The following DYTN variants were observed in gnomAD, a reference collection of about 807,000 sequenced individuals.
DYTN encodes the protein dystrotelin.
DYTN carries 75 observed loss-of-function variants against 69.6 expected under a neutral mutation model. The ratio of observed to expected loss-of-function variants is 1.08; its 90% confidence interval spans 0.89 to 1.31. The LOEUF is 1.31. DYTN is among the 50% of genes most tolerant of loss of function. The pLI is 0.00. For synonymous variants in DYTN, 252 were observed against 249.1 expected (o/e 1.01, Z -0.11); for missense variants, 726 against 688.4 (o/e 1.05, Z -0.61).
chr2:206,716,202 T>G (rs1041690456), intron 1 of DYTN, among the ~76,000 whole-genome samples: 2 of 152,198 alleles, frequency 1.3e-5, no homozygotes, highest in Non-Finnish European at 2.9e-5. Flanking sequence ...TGATGTTTCT[T>G]GCCCTTGAGT....
chr2:206,713,653 G>T (rs1559319882), intron 1 of DYTN, among the ~76,000 whole-genome samples: 1 of 152,174 alleles, frequency 6.6e-6, no homozygotes, highest in African/African-American at 2.4e-5. Context: ...TATAGTGAAG[G>T]GTGAAAGAGG....
At chr2:206,698,836 G>T (rs1699946940) in intron 7 of DYTN, among the ~76,000 whole-genome samples, 1 of 152,218 alleles carries the variant, frequency 6.6e-6, no homozygotes, top group African/African-American at 2.4e-5. Flanking sequence ...GAATGCTGAT[G>T]ATCTCTGTGA....
intron 1 of DYTN, among the ~76,000 whole-genome samples, chr2:206,716,885 T>G (rs1700135003): frequency 6.6e-6 from 1 of 152,054 alleles, no homozygotes; most frequent in Non-Finnish European, 1.5e-5. Context: ...CACTCTCCTG[T>G]CAAGTTATGC....
intron 2 of DYTN, among the ~76,000 whole-genome samples, chr2:206,708,644 T>A (rs1700049820): frequency 6.6e-6 from 1 of 152,206 alleles, no homozygotes; most frequent in Non-Finnish European, 1.5e-5. Context: ...GAGTTCTATA[T>A]TACACCAAAC....
intron 4 of DYTN, chr2:206,705,180 T>C (rs1700013347): frequency 4.0e-6 from 2 of 499,932 alleles, no homozygotes; most frequent in Non-Finnish European, 3.6e-6. Flanking sequence ...CACTGCAACC[T>C]CCACCTCCCG....
chr2:206,664,000 A>C (rs1296075184), intron 10 of DYTN, among the ~76,000 whole-genome samples: 1 of 152,106 alleles, frequency 6.6e-6, no homozygotes, highest in Non-Finnish European at 1.5e-5. Context: ...TTGGTGCTTT[A>C]GTGTGAATCA....
chr2:206,665,942 T>A lies in DYTN; in HGVS notation c.1068A>T (p.Thr356=), dbSNP rs933973565. The A allele has an allele frequency of 6.2e-7, 1 of 1,613,960 alleles. No homozygotes were observed. Among genetic ancestry groups the A allele is most frequent in the Non-Finnish European group, 8.5e-7 (1 of 1,179,852 alleles). The change falls in exon 10 of 12, where the codon ACA becomes ACT. Residue 356 remains threonine, a synonymous_variant. Coordinates refer to ENST00000452335, the MANE Select transcript of DYTN (RefSeq NM_001093730.1). ...SQEERICRFE[T]RIHKLKTNQD... is the part of the protein sequence containing the mutation. ...GGTTGGTTTTGAGTTTGTGAATCCTTGTTTCAAATCGACAAATTCTTTCTT... is the reference window on the plus strand; with the variant it reads ...GGTTGGTTTTGAGTTTGTGAATCCTAGTTTCAAATCGACAAATTCTTTCTT...
intron 9 of DYTN, among the ~76,000 whole-genome samples, chr2:206,677,253 CA>C (rs1699700863): frequency 3.9e-5 from 6 of 152,050 alleles, no homozygotes. Context: ...CAAGCATGTA[CA>C]GCTTTTGCAT....
chr2:206,689,646 C>T (rs1014451679), intron 9 of DYTN, among the ~76,000 whole-genome samples: 5 of 152,158 alleles, frequency 3.3e-5, no homozygotes, highest in African/African-American at 4.8e-5. Flanking sequence ...TCCCAATTAA[C>T]AGGTAAAGAA....
intron 1 of DYTN, among the ~76,000 whole-genome samples, chr2:206,715,543 A>T (rs1415330456): frequency 2.0e-5 from 3 of 152,210 alleles, no homozygotes; most frequent in Non-Finnish European, 4.4e-5. Flanking sequence ...CTTTGGGAGA[A>T]GAGATGTTCA....
In DYTN at chr2:206,663,338, C is replaced by A; in HGVS notation, c.1198G>T (p.Val400Phe). 1 of 1,613,114 alleles carries A rather than the reference C, an allele frequency of 6.2e-7. No homozygotes were observed. The highest frequency in any genetic ancestry group is 1.1e-5 in the South Asian group (1 of 90,736). The change falls in exon 11 of 12, where the codon GTT (valine) becomes TTT (phenylalanine). Residue 400 changes from valine (V) to phenylalanine (F), a missense_variant. By Grantham distance (50) the Val-to-Phe change is conservative (BLOSUM62 -1). Coordinates refer to ENST00000452335, the MANE Select transcript of DYTN (RefSeq NM_001093730.1). ...ACCTTTTCAGTTGAAGAATGGTCAA[C>A]CTTGTTCCCCACATTTTGAAAGGAA... Reference protein sequence around the residue: ...SSSFQNVGNKVDHSSTEKVPK... With the variant: ...SSSFQNVGNKFDHSSTEKVPK...
At chr2:206,685,443 A>T (rs143777367) in intron 9 of DYTN, among the ~76,000 whole-genome samples, 1 of 152,260 alleles carries the variant, frequency 6.6e-6, no homozygotes, top group Non-Finnish European at 1.5e-5. Flanking sequence ...GATTATGGGC[A>T]TGAGCCACTT....
At chr2:206,694,922 GAAAA>G (rs71410896) in intron 7 of DYTN, 45 bp from the exon 8 acceptor site, 209 of 712,932 alleles carry the variant, frequency 2.9e-4, no homozygotes, top group South Asian at 9.1e-4. Flanking sequence ...TAGTAGATGA[GAAAA>G]AAAAAAAAAA....
intron 9 of DYTN, among the ~76,000 whole-genome samples, chr2:206,667,548 C>T (rs762224898): frequency 1.3e-5 from 2 of 152,208 alleles, no homozygotes; most frequent in Non-Finnish European, 2.9e-5. Context: ...CTAATTACTA[C>T]AGAGCCTGAA....
chr2:206,664,416 GGAGGTAGAGGTGGGAGGATTGCTT>G (rs1335043423), intron 10 of DYTN, among the ~76,000 whole-genome samples: 1 of 152,158 alleles, frequency 6.6e-6, no homozygotes, highest in Non-Finnish European at 1.5e-5. Flanking sequence ...CAGCACTTCG[GGAGGTAGAGGTGGGAGGATTGCTT>G]GAGGCCAGGA....
intron 1 of DYTN, among the ~76,000 whole-genome samples, chr2:206,710,911 A>G (rs1284365536): frequency 6.6e-6 from 1 of 152,220 alleles, no homozygotes; most frequent in African/African-American, 2.4e-5. Flanking sequence ...GTAGAATATA[A>G]ATTCAAGTTT....
intron 8 of DYTN, among the ~76,000 whole-genome samples, chr2:206,694,109 A>G (rs1360479261): frequency 6.6e-6 from 1 of 152,152 alleles, no homozygotes; most frequent in Non-Finnish European, 1.5e-5. Context: ...GAAGAAACTT[A>G]CTCACTGGAA....
intron 3 of DYTN, among the ~76,000 whole-genome samples, chr2:206,706,682 C>A (rs1249818312): frequency 3.3e-5 from 5 of 151,962 alleles, no homozygotes; most frequent in Admixed American, 2.0e-4. Flanking sequence ...AGGATGAATT[C>A]TAAAGGATGA....
chr2:206,654,580 A>C (rs1699425526), intron 11 of DYTN, among the ~76,000 whole-genome samples: 1 of 152,210 alleles, frequency 6.6e-6, no homozygotes. Context: ...GTTTTAGAGG[A>C]GTCAAAAGTT....
Sources: allele counts gnomAD v4.1 joint callset (sites outside exome capture counted in the v4.1 genomes callset), GRCh38; gene constraint gnomAD v4.1.1; transcripts MANE v1.5; gene names NCBI Gene and HGNC (gene_info 2026-07-23, HGNC 2026-07-21).